The following KMT2C variants were observed in gnomAD, a reference collection of about 807,000 sequenced individuals.
KMT2C encodes the protein lysine methyltransferase 2C, also known as histone-lysine N-methyltransferase 2C.
KMT2C carries 88 observed loss-of-function variants against 507.9 expected under a neutral mutation model. The observed-to-expected ratio is 0.17, with a 90% CI of 0.15 to 0.21. KMT2C has a LOEUF of 0.21. KMT2C is among the 10% of genes least tolerant of loss of function. The probability of loss-of-function intolerance (pLI) is 1.00; values close to 1 mark genes in which losing one functional copy is unlikely to be tolerated. For missense variants in KMT2C, 4,954 were observed against 5,957.8 expected (o/e 0.83, Z 5.55); for synonymous variants, 2,049 against 2,080.8 (o/e 0.98, Z 0.42).
At position 152,181,722 on chromosome 7, in the gene KMT2C, T is replaced by C. The variant is rs1199583072; in HGVS notation, c.6138A>G (p.Pro2046=). ...CCTGAGAGGATGGAGGAGGTTGCATTGGAGTCTTAAAAGGTCCAGGACCAC... is the reference window on the plus strand; with the variant it reads ...CCTGAGAGGATGGAGGAGGTTGCATCGGAGTCTTAAAAGGTCCAGGACCAC... The part of the protein sequence containing the change: ...LDSGPGPFKT[P]MQPPPSSQDP... Residue 2046 remains proline, a synonymous_variant, in exon 36 of 59, where the codon CCA becomes CCG. Transcript: ENST00000262189. 2.5e-6 allele frequency: 4 copies of C among 1,614,080 alleles called. No homozygotes were observed. Among genetic ancestry groups the C allele is most frequent in the Non-Finnish European group, 3.4e-6 (4 of 1,180,022 alleles).
At chr7:152,384,078 A>G (rs898588254) in intron 1 of KMT2C, among the ~76,000 whole-genome samples, 8 of 150,648 alleles carry the variant, frequency 5.3e-5, no homozygotes, top group African/African-American at 1.7e-4. Flanking sequence ...GCGCGTGTGC[A>G]TGTAGATGAA....
chr7:152,249,074 C>T (rs1370741012), intron 13 of KMT2C, among the ~76,000 whole-genome samples: 1 of 152,088 alleles, frequency 6.6e-6, no homozygotes, highest in African/African-American at 2.4e-5. Flanking sequence ...TTTGCTTAAC[C>T]ATACCTGCCA....
chr7:152,201,175 T>C (rs1203070857), intron 26 of KMT2C, among the ~76,000 whole-genome samples: 1 of 152,106 alleles, frequency 6.6e-6, no homozygotes, highest in Non-Finnish European at 1.5e-5. Flanking sequence ...CTTATTAATT[T>C]AGTGTGTTTT....
intron 39 of KMT2C, among the ~76,000 whole-genome samples, chr7:152,173,083 A>G (rs937419553): frequency 6.6e-6 from 1 of 152,160 alleles, no homozygotes; most frequent in African/African-American, 2.4e-5. Flanking sequence ...ATGATAGAGA[A>G]ATAGTGTTAA....
At chr7:152,267,007 C>A (rs2095869136) in intron 7 of KMT2C, among the ~76,000 whole-genome samples, 1 of 152,226 alleles carries the variant, frequency 6.6e-6, no homozygotes. Flanking sequence ...CATTAAAACG[C>A]CCCTTTCCTT....
chr7:152,230,999 T>A lies in KMT2C; in HGVS notation c.2770-678A>T, dbSNP rs560905853. On this transcript the variant is annotated intron_variant, in intron 16 of 58. Coordinates refer to ENST00000262189, the MANE Select transcript of KMT2C (RefSeq NM_170606.3). The stretch of plus-strand genomic sequence containing the variant: ...GCCCAGCTAATTTCTGTATTTTTAG[T>A]AGAGACGGGGTTTCACCATATTGGT... Among the ~76,000 whole-genome samples the A allele has an allele frequency of 2.0e-5, 3 of 152,264 alleles. No individual in the cohort carries two copies. The East Asian group carries it at 5.8e-4, about 29-fold the overall frequency.
chr7:152,297,035 AAGAAAGAAAGAAAGAAAGACAG>A (rs2096510784), intron 6 of KMT2C, among the ~76,000 whole-genome samples: 1 of 97,036 alleles, frequency 1.0e-5, no homozygotes, highest in Admixed American at 1.1e-4. Context: ...GAAAGAAAGA[AAGAAAGAAAGAAAGAAAGACAG>A]AGAGAGAGAG....
chr7:152,339,624 C>T (rs1370700100), intron 2 of KMT2C, among the ~76,000 whole-genome samples: 1 of 152,006 alleles, frequency 6.6e-6, no homozygotes, highest in African/African-American at 2.4e-5. Flanking sequence ...CCATGGATTA[C>T]ATCATAGTAC....
intron 3 of KMT2C, among the ~76,000 whole-genome samples, chr7:152,326,916 A>T (rs980192866): frequency 5.3e-5 from 8 of 152,198 alleles, no homozygotes; most frequent in African/African-American, 1.9e-4. Context: ...CATTAAATTC[A>T]ATCTGTTCAT....
chr7:152,307,195 G>GGA (rs2096623006), intron 6 of KMT2C, among the ~76,000 whole-genome samples: 89 of 64,952 alleles, frequency 1.4e-3, no homozygotes, highest in Non-Finnish European at 1.7e-3. Flanking sequence ...AAAGAAGAGG[G>GGA]AGGAAGGAAG....
At chr7:152,371,780 A>T (rs1391741571) in intron 1 of KMT2C, among the ~76,000 whole-genome samples, 2 of 151,938 alleles carry the variant, frequency 1.3e-5, no homozygotes, top group Non-Finnish European at 2.9e-5. Flanking sequence ...CACCTGGCTA[A>T]TTTTTGTATT....
intron 12 of KMT2C, among the ~76,000 whole-genome samples, chr7:152,250,305 AACATACAACTTC>A (rs1223185994): frequency 6.6e-6 from 1 of 152,154 alleles, no homozygotes; most frequent in African/African-American, 2.4e-5. Flanking sequence ...TATATAATTG[AACATACAACTTC>A]ACATACAACA....
chr7:152,353,093 A>G (rs950662999), intron 2 of KMT2C, among the ~76,000 whole-genome samples: 2 of 152,222 alleles, frequency 1.3e-5, no homozygotes, highest in Non-Finnish European at 2.9e-5. Context: ...TATAAAAAAA[A>G]TGCGCAGAGA....
In KMT2C at chr7:152,194,146, A is replaced by G; in HGVS notation, c.4541-18T>C. The G allele has an allele frequency of 1.9e-6, 3 of 1,566,304 alleles. No individual in the cohort carries two copies. The highest frequency in any genetic ancestry group is 2.6e-6 in the Non-Finnish European group (3 of 1,164,904). ...GCCAAGCTCTAGGAGATAAAACAAT[A>G]ATAGTAACAAGATTAAAAGACTAGT... On this transcript the variant is annotated intron_variant, in intron 30 of 58. Coordinates refer to ENST00000262189, the MANE Select transcript of KMT2C (RefSeq NM_170606.3).
chr7:152,400,171 G>T (rs1467840245), intron 1 of KMT2C, among the ~76,000 whole-genome samples: 3 of 152,216 alleles, frequency 2.0e-5, no homozygotes, highest in East Asian at 3.9e-4. Context: ...ACTTAGCCAG[G>T]TGTGGTAGCA....
At chr7:152,183,504 G>A (rs960496257) in intron 34 of KMT2C, among the ~76,000 whole-genome samples, 4 of 152,146 alleles carry the variant, frequency 2.6e-5, no homozygotes, top group African/African-American at 4.8e-5. Flanking sequence ...GCTCATGCTC[G>A]TAATCCCAGC....
intron 1 of KMT2C, among the ~76,000 whole-genome samples, chr7:152,362,982 T>G (rs971652793): frequency 2.6e-5 from 4 of 152,242 alleles, no homozygotes; most frequent in African/African-American, 9.6e-5. Context: ...AATTCTTTTA[T>G]TTCATCGGTG....
rs113265132 is a variant in KMT2C, at chr7:152,176,052, C to CA, written c.9262+138dup. 93 of 956,648 alleles carry CA rather than the reference C, an allele frequency of 9.7e-5. 1 individual carries two copies. In the African/African-American group the frequency reaches 9.9e-4, roughly 10 times the overall value. 59.3% of individuals were successfully genotyped at this position (956,648 alleles called of 1,614,324 possible). On this transcript the variant is annotated intron_variant, in intron 38 of 58. Coordinates refer to ENST00000262189, the MANE Select transcript of KMT2C (RefSeq NM_170606.3). Reference sequence around the variant, plus strand: ...AGTGAGACTCCGTCTCAAAACAAAACAAACAAACTCCTCAAGGAGGAATAG... The same window carrying CA: ...AGTGAGACTCCGTCTCAAAACAAAACAAAACAAACTCCTCAAGGAGGAATAG...
At chr7:152,157,210 C>T (rs1214952542) in intron 44 of KMT2C, among the ~76,000 whole-genome samples, 3 of 151,092 alleles carry the variant, frequency 2.0e-5, no homozygotes, top group Non-Finnish European at 4.4e-5. Flanking sequence ...TGCCTGTAGT[C>T]CCAGCTACTT....
Sources: allele counts gnomAD v4.1 joint callset (sites outside exome capture counted in the v4.1 genomes callset), GRCh38; gene constraint gnomAD v4.1.1; transcripts MANE v1.5; gene names NCBI Gene and HGNC (gene_info 2026-07-23, HGNC 2026-07-21).